IGSF1: variants seen among roughly 807,000 people sequenced by gnomAD.
The protein encoded by IGSF1 is immunoglobulin superfamily member 1.
A neutral mutation model predicts 95.3 loss-of-function variants in IGSF1; 40 were observed. The ratio of observed to expected loss-of-function variants is 0.42; its 90% CI spans 0.33 to 0.55. IGSF1 has a LOEUF of 0.55. Ranked by LOEUF, IGSF1 falls within the 20% of genes least tolerant of loss-of-function variation. The pLI, the probability that IGSF1 is intolerant of heterozygous loss-of-function variation, is 0.10. For missense variants in IGSF1, 906 were observed against 1,025.4 expected (o/e 0.88, Z 1.59); for synonymous variants, 372 against 382.9 (o/e 0.97, Z 0.33).
At position 131,285,780 on chromosome X, in the gene IGSF1, C is replaced by T. The variant is rs777465576; in HGVS notation, c.366G>A (p.Glu122=). The T allele has an allele frequency of 8.3e-7, 1 of 1,209,110 alleles. No individual in the cohort carries two copies. Among genetic ancestry groups the T allele is most frequent in the Non-Finnish European group, 1.1e-6 (1 of 893,813 alleles). The change falls in exon 4 of 20, where the codon GAG becomes GAA. Residue 122 remains glutamate, a synonymous_variant. Transcript: ENST00000361420. ...TGWSKPSKVL[E]LEAPGQLPKP... ...CTGTCATCTTACCTGGTGCCTCCAACTCTAGAACTTTACTGGGCTTTGACC... is the reference window on the plus strand; with the variant it reads ...CTGTCATCTTACCTGGTGCCTCCAATTCTAGAACTTTACTGGGCTTTGACC...
At chrX:131,276,343 G>T in intron 14 of IGSF1, 95 bp from the exon 15 acceptor site, 1 of 715,687 alleles carries the variant, frequency 1.4e-6, no homozygotes, top group Non-Finnish European at 2.0e-6. Context: ...ATATATGTTT[G>T]TTGTTAAAAA....
chrX:131,281,110 G>C, intron 9 of IGSF1, 108 bp downstream of exon 9: 1 of 891,136 alleles, frequency 1.1e-6, no homozygotes, highest in South Asian at 2.3e-5. Context: ...AAGCCCAGAA[G>C]ATAGGGGTTC....
At chrX:131,286,490 G>T in intron 2 of IGSF1, 27 bp from the exon 3 acceptor site, 1 of 1,197,169 alleles carries the variant, frequency 8.4e-7, no homozygotes, top group Non-Finnish European at 1.1e-6. Flanking sequence ...TGGTAAAGGA[G>T]AGCTCCCTTG....
At position 131,278,036 on chromosome X, in the gene IGSF1, G is replaced by GGA; in HGVS notation, c.2139_2140insTC (p.Leu714SerfsTer60). Reference sequence around the variant, plus strand: ...GGTTCTTGCTCTCCCTCCTTATACAGAGCAAACCCCATGCCTGCCAGCCAT... The same window carrying GGA: ...GGTTCTTGCTCTCCCTCCTTATACAGGAAGCAAACCCCATGCCTGCCAGCCAT... On this transcript the variant is annotated frameshift_variant, in exon 13 of 20. Coordinates refer to ENST00000361420, the MANE Select transcript of IGSF1 (RefSeq NM_001555.5). The GGA allele has an allele frequency of 8.3e-7, 1 of 1,211,153 alleles. No homozygotes were observed. Among genetic ancestry groups the GGA allele is most frequent in the South Asian group, 1.8e-5 (1 of 56,949 alleles).
chrX:131,279,275 G>A lies in IGSF1; in HGVS notation c.1713C>T (p.Cys571=), dbSNP rs1234548531. Residue 571 remains cysteine, a synonymous_variant, in exon 10 of 20, where the codon TGC becomes TGT. Transcript: ENST00000361420. ...CCTTCCCCCACTTGTACTCACCACA[G>A]CAGAGAAGGGCCGTGACTATGAAGA... ...TMLFIVTALL[C]CGLCNGVLIE... The A allele has an allele frequency of 5.0e-6, 6 of 1,210,602 alleles. No individual in the cohort carries two copies. The Admixed American group carries it at 6.5e-5, about 13-fold the overall frequency.
At position 131,285,938 on chromosome X, in the gene IGSF1, G is replaced by A; in HGVS notation, c.208C>T (p.Leu70=). 1 of 1,211,520 alleles carries A rather than the reference G, an allele frequency of 8.3e-7. No homozygotes were observed. The highest frequency in any genetic ancestry group is 1.1e-6 in the Non-Finnish European group (1 of 895,286). Residue 70 remains leucine (L), a synonymous_variant, in exon 4 of 20, where the codon CTG becomes TTG. Coordinates refer to ENST00000361420, the MANE Select transcript of IGSF1 (RefSeq NM_001555.5). Reference sequence around the variant, plus strand: ...GTCATCTGTGTCTTATCCTTCAGCAGCAGGAACTTGCTTGATATCCGAGAG... The same window carrying A: ...GTCATCTGTGTCTTATCCTTCAGCAACAGGAACTTGCTTGATATCCGAGAG... ...SPSRISSKFL[L]LKDKTQMTWI... is the part of the protein sequence containing the mutation.
chrX:131,282,082 G>A (rs1188105375), intron 7 of IGSF1, 138 bp from the exon 8 acceptor site: 15 of 559,423 alleles, frequency 2.7e-5, no homozygotes, highest in Non-Finnish European at 4.2e-5. Flanking sequence ...AGATTTGACT[G>A]TGCATTAGAA....
intron 7 of IGSF1, 98 bp from the exon 8 acceptor site, chrX:131,282,042 C>T: frequency 1.3e-6 from 1 of 793,114 alleles, no homozygotes; most frequent in Non-Finnish European, 1.8e-6. Context: ...TCTTCTCTTC[C>T]TTTCCACTTC....
rs1391645977 is a variant in IGSF1, at chrX:131,285,511, A to G, written c.380-45T>C. On this transcript the variant is annotated intron_variant, in intron 4 of 19. Coordinates refer to ENST00000361420, the MANE Select transcript of IGSF1 (RefSeq NM_001555.5). The stretch of plus-strand genomic sequence containing the variant: ...TGGAATTAGGTAAAGCAAGGATAGT[A>G]CTGTCTAGGGAGCAGCAGAGGAGAG... 3.5e-6 allele frequency: 4 copies of G among 1,158,025 alleles called. No individual in the cohort carries two copies. The African/African-American group carries it at 7.1e-5, about 21-fold the overall frequency.
At chrX:131,282,021 TC>T in intron 7 of IGSF1, 77 bp from the exon 8 acceptor site, 1 of 922,241 alleles carries the variant, frequency 1.1e-6, no homozygotes, top group Non-Finnish European at 1.5e-6. Context: ...GTTTCTGAGC[TC>T]CCCATTTGAT....
intron 11 of IGSF1, 116 bp downstream of exon 11, chrX:131,279,027 C>T (rs1391801482): frequency 1.2e-6 from 1 of 840,143 alleles, no homozygotes; most frequent in Admixed American, 2.3e-5. Context: ...GCAAGTGCCC[C>T]TTCCTGGCTG....
intron 10 of IGSF1, 39 bp downstream of exon 10, chrX:131,279,232 G>A (rs769017083): frequency 3.3e-6 from 4 of 1,206,004 alleles, no homozygotes; most frequent in African/African-American, 3.5e-5. Context: ...ACTTCACCCC[G>A]GCCTTCTGCC....
chrX:131,275,699 G>A lies in IGSF1; in HGVS notation c.2963C>T (p.Thr988Ile). Residue 988 changes from threonine (T) to isoleucine (I), a missense_variant, in exon 16 of 20, where the codon ACT (threonine) becomes ATT (isoleucine). Transcript: ENST00000361420. ...ATGGACCGGCCCTCGGCACCAGAGA[G>A]TAACATTCTGCCCCATGGGAACCAC... ...SSVVPMGQNV[T>I]LWCRGPVHGV... is the part of the protein sequence containing the mutation. 2 of 1,211,175 alleles carry A rather than the reference G, an allele frequency of 1.7e-6. No homozygotes were observed. The highest frequency in any genetic ancestry group is 3.5e-5 in the South Asian group (2 of 56,977).
chrX:131,279,222 A>T (rs750545332), intron 10 of IGSF1, 47 bp from the exon 11 acceptor site: 1 of 1,207,607 alleles, frequency 8.3e-7, no homozygotes, highest in East Asian at 3.0e-5. Flanking sequence ...CCCCACCGGG[A>T]CTTCACCCCG....
rs953043295 is a variant in IGSF1, at chrX:131,278,152, G to T, written c.2042-18C>A. The T allele has an allele frequency of 4.2e-6, 5 of 1,196,032 alleles. No individual in the cohort carries two copies. The highest frequency in any genetic ancestry group is 4.5e-6 in the Non-Finnish European group (4 of 885,540). Reference sequence around the variant, plus strand: ...GAGGATGTCTGGAAAACAGAATGGGGTGAAAAAGGAGTCAGAAGTTTGCAG... The same window carrying T: ...GAGGATGTCTGGAAAACAGAATGGGTTGAAAAAGGAGTCAGAAGTTTGCAG... On this transcript the variant is annotated intron_variant, in intron 12 of 19. Coordinates refer to ENST00000361420, the MANE Select transcript of IGSF1 (RefSeq NM_001555.5).
intron 8 of IGSF1, 79 bp from the exon 9 acceptor site, chrX:131,281,417 CT>C (rs2080557705): frequency 9.0e-7 from 1 of 1,109,035 alleles, no homozygotes; most frequent in African/African-American, 1.8e-5. Flanking sequence ...TGAGGACAAT[CT>C]GGTTACTGAC....
chrX:131,279,686 C>G (rs781327162), intron 9 of IGSF1, among the ~76,000 whole-genome samples: 4 of 110,327 alleles, frequency 3.6e-5, no homozygotes, highest in Non-Finnish European at 7.6e-5. Context: ...CTCAGAACCC[C>G]TGGAGCTCAT....
chrX:131,275,397 C>G, intron 16 of IGSF1, 81 bp downstream of exon 16: 4 of 1,138,712 alleles, frequency 3.5e-6, no homozygotes, highest in Non-Finnish European at 4.8e-6. Flanking sequence ...TCCTCGAGCT[C>G]TCTGAAAACT....
intron 11 of IGSF1, 145 bp downstream of exon 11, chrX:131,278,998 A>C: frequency 1.4e-6 from 1 of 718,754 alleles, no homozygotes; most frequent in Non-Finnish European, 2.2e-6. Context: ...TTGGAGGCTG[A>C]ATTTTGCCAG....
Sources: gnomAD v4.1 joint callset for allele counts (sites outside exome capture counted in the v4.1 genomes callset) on GRCh38, gnomAD v4.1.1 for gene constraint, MANE v1.5 for transcripts, NCBI Gene and HGNC (gene_info 2026-07-23, HGNC 2026-07-21) for gene names.